Variants in VANGL1 observed in about 807,000 individuals in gnomAD.
VANGL1 encodes vang-like protein 1.
A neutral mutation model predicts 48.4 loss-of-function variants in VANGL1; 18 were observed. That is an observed-to-expected ratio of 0.37 (90% CI 0.26 to 0.55). The LOEUF (loss-of-function observed/expected upper bound fraction) is 0.55, where lower values mean the gene tolerates loss of function less well. Among genes scored for constraint, VANGL1 ranks in the 20% least tolerant of loss-of-function variants. The pLI, the probability that VANGL1 is intolerant of heterozygous loss-of-function variation, is 0.81. For synonymous variants in VANGL1, 257 were observed against 261.8 expected, an observed-to-expected ratio of 0.98 and a Z score of 0.18; for missense variants, 667 against 675.8, an observed-to-expected ratio of 0.99 and a Z score of 0.14.
chr1:115,672,593 G>T (rs951077643), intron 4 of VANGL1, among the ~76,000 whole-genome samples: 6 of 152,174 alleles, frequency 3.9e-5, no homozygotes, highest in Admixed American at 6.5e-5. Context: ...CCAGGCCTTT[G>T]TTGTGCAGTT....
rs572143876 is a variant in VANGL1 at position 115,654,600 on chromosome 1, T to G, written c.71+3116T>G. On this transcript the variant is annotated intron_variant, in intron 2 of 7. Coordinates refer to ENST00000355485, the MANE Select transcript of VANGL1 (RefSeq NM_138959.3). ...TTACCCACCAGCTGAAATGTGTGAT[T>G]CAATTCTTATGGCCAGAGGGTTTGT... Among the ~76,000 whole-genome samples the G allele has an allele frequency of 3.9e-5, 6 of 152,190 alleles. No homozygotes were observed. In the East Asian group the frequency reaches 1.2e-3, roughly 29 times the overall value.
At chr1:115,656,212 C>G (rs1652349692) in intron 2 of VANGL1, among the ~76,000 whole-genome samples, 1 of 152,192 alleles carries the variant, frequency 6.6e-6, no homozygotes, top group Admixed American at 6.5e-5. Flanking sequence ...CAACTTCATC[C>G]ACTTCATACT....
intron 2 of VANGL1, among the ~76,000 whole-genome samples, chr1:115,654,498 TA>T (rs869142756): frequency 2.3e-3 from 205 of 90,806 alleles, no homozygotes; most frequent in Admixed American, 4.3e-3. Flanking sequence ...TTGGTAGGGC[TA>T]AAAAAAAAAA....
intron 4 of VANGL1, among the ~76,000 whole-genome samples, chr1:115,681,618 C>T (rs776024235): frequency 1.3e-5 from 2 of 151,312 alleles, no homozygotes; most frequent in South Asian, 2.1e-4. Context: ...GTGATTCTCC[C>T]GTTTCAGCCT....
intron 4 of VANGL1, among the ~76,000 whole-genome samples, chr1:115,665,611 A>G (rs1652749313): frequency 6.6e-6 from 1 of 152,154 alleles, no homozygotes; most frequent in Non-Finnish European, 1.5e-5. Context: ...TGCTACGAGA[A>G]CGGGATGATC....
chr1:115,650,737 A>G (rs1467121378), intron 1 of VANGL1, among the ~76,000 whole-genome samples: 2 of 151,890 alleles, frequency 1.3e-5, no homozygotes, highest in Non-Finnish European at 2.9e-5. Flanking sequence ...GCATTTTATT[A>G]TTTATAGACA....
intron 3 of VANGL1, 52 bp downstream of exon 3, chr1:115,659,825 G>C (rs776815831): frequency 3.7e-6 from 6 of 1,612,280 alleles, no homozygotes; most frequent in Admixed American, 1.7e-5. Flanking sequence ...CAAGACTCCT[G>C]TCTGTAAATG....
At position 115,684,001 on chromosome 1, in the gene VANGL1, G is replaced by A. The variant is rs199526468; in HGVS notation, c.1004G>A (p.Arg335His). The change falls in exon 6 of 8, where the codon CGC becomes CAC. Residue 335 changes from arginine (R) to histidine (H), a missense_variant. Physicochemically the swap from Arg to His is conservative, Grantham distance 29 (BLOSUM62 0). Transcript: ENST00000355485. ...SRAMIAAAAR[R>H]RDSSHNELYY... The stretch of plus-strand genomic sequence containing the variant: ...GCCATGATTGCTGCAGCTGCTCGGC[G>A]CAGGGACTCAAGCCACAACGAGTTG... 88 of 1,613,946 alleles carry A rather than the reference G, an allele frequency of 5.5e-5. No individual in the cohort carries two copies. Among genetic ancestry groups the A allele is most frequent in the East Asian group, 6.7e-5 (3 of 44,894 alleles).
rs114722665 is a variant in VANGL1, at chr1:115,649,137, T to C, written c.-137-2140T>C. Among the ~76,000 whole-genome samples the C allele has an allele frequency of 5.4e-3, 822 of 152,182 alleles. 12 individuals carry two copies. Among genetic ancestry groups the C allele is most frequent in the African/African-American group, 0.018 (760 of 41,514 alleles). On this transcript the variant is annotated intron_variant, in intron 1 of 7. Coordinates refer to ENST00000355485, the MANE Select transcript of VANGL1 (RefSeq NM_138959.3). ...GTGAGACTGAGGTGTTGAAAGCTGA[T>C]TGAAATTGCTAGTGAAAATGGTGGA...
In VANGL1 at chr1:115,659,669, C is replaced by T. The variant is rs372052239; in HGVS notation, c.100C>T (p.Pro34Ser). The T allele has an allele frequency of 1.2e-6, 2 of 1,613,922 alleles. No homozygotes were observed. Among genetic ancestry groups the T allele is most frequent in the African/African-American group, 2.7e-5 (2 of 74,874 alleles). The change falls in exon 3 of 8, where the codon CCC becomes TCC. Residue 34 changes from proline (P) to serine (S), a missense_variant. Coordinates refer to ENST00000355485, the MANE Select transcript of VANGL1 (RefSeq NM_138959.3). The stretch of plus-strand genomic sequence containing the variant: ...AAGAACTAGAGAGAGACACAAGTCA[C>T]CCCGGAATAAAGACGGCAGAGGGTC... ...GERTRERHKS[P>S]RNKDGRGSEK... is the part of the protein sequence containing the mutation.
At position 115,697,240 on chromosome 1, in the gene VANGL1, C is replaced by T. The variant is rs889213656; in HGVS notation, c.*5861C>T. On this transcript the variant is annotated 3_prime_UTR_variant, in exon 8 of 8. Coordinates refer to ENST00000355485, the MANE Select transcript of VANGL1 (RefSeq NM_138959.3). The stretch of plus-strand genomic sequence containing the variant: ...AATTTAGACAGTTGCACATCATTGC[C>T]GTTCTAGGGGCCTTGTAGAAAGATG... 15 of 152,118 alleles carry T rather than the reference C, an allele frequency of 9.9e-5. No homozygotes were observed. The highest frequency in any genetic ancestry group is 3.9e-4 in the Admixed American group (6 of 15,276). The allele number at this position is 152,118 out of a possible 1,614,324, so 9.4% of individuals were successfully genotyped here. A position where few individuals can be genotyped will look rare whatever the true frequency, so the allele number is the denominator to read the frequency against.
chr1:115,653,232 T>C (rs1464169832), intron 2 of VANGL1, among the ~76,000 whole-genome samples: 1 of 152,148 alleles, frequency 6.6e-6, no homozygotes. Flanking sequence ...CAGGTAAGGC[T>C]TTCAAATAAG....
chr1:115,659,542 T>A (rs892175021), intron 2 of VANGL1, 99 bp from the exon 3 acceptor site: 15 of 1,438,428 alleles, frequency 1.0e-5, no homozygotes, highest in Non-Finnish European at 1.4e-5. Context: ...TGTGTGTGTA[T>A]GTAGAATTTC....
intron 4 of VANGL1, among the ~76,000 whole-genome samples, chr1:115,665,890 T>C (rs1652760782): frequency 6.6e-6 from 1 of 152,168 alleles, no homozygotes; most frequent in African/African-American, 2.4e-5. Flanking sequence ...TTCAGAGCTC[T>C]ATCTCAGCAC....
chr1:115,652,442 C>T lies in VANGL1; in HGVS notation c.71+958C>T, dbSNP rs183881917. Among the ~76,000 whole-genome samples, 5 of 152,330 alleles carry T rather than the reference C, an allele frequency of 3.3e-5. No homozygotes were observed. In the East Asian group the frequency reaches 5.8e-4, roughly 18 times the overall value. ...ATTGCAGTGCTGCTGTTTACTTAGC[C>T]TTGTCATCTGTAAAATGGGTACAGC... On this transcript the variant is annotated intron_variant, in intron 2 of 7. Coordinates refer to ENST00000355485, the MANE Select transcript of VANGL1 (RefSeq NM_138959.3).
rs1285671954 is a variant in VANGL1, at chr1:115,682,550, CTATT to C, written c.946+56_946+59del. ...TGCTCACAGGGGCACAGTTGGGTGACTATTTAAGATTCATGGTACGTTTGGTTCG... is the reference window on the plus strand; with the variant it reads ...TGCTCACAGGGGCACAGTTGGGTGACTAAGATTCATGGTACGTTTGGTTCG... On this transcript the variant is annotated intron_variant, in intron 5 of 7. Transcript: ENST00000355485. 77 of 1,613,580 alleles carry C rather than the reference CTATT, an allele frequency of 4.8e-5. 1 individual carries two copies. The highest frequency in any genetic ancestry group is 4.9e-5 in the Non-Finnish European group (58 of 1,179,834).
chr1:115,668,886 C>A (rs992584129), intron 4 of VANGL1, among the ~76,000 whole-genome samples: 3 of 152,160 alleles, frequency 2.0e-5, no homozygotes, highest in Non-Finnish European at 4.4e-5. Flanking sequence ...GGAACTGTCC[C>A]AGTAGTATTT....
chr1:115,687,987 T>TAGACAGAC lies in VANGL1; in HGVS notation c.1314+2465_1314+2466insGACAGACA, dbSNP rs1553190236. Among the ~76,000 whole-genome samples, 3 of 129,362 alleles carry TAGACAGAC rather than the reference T, an allele frequency of 2.3e-5. 1 individual carries two copies. The highest frequency in any genetic ancestry group is 8.9e-5 in the African/African-American group (3 of 33,770). The allele number at this position is 129,362 out of a possible 152,430, so 84.9% of individuals were successfully genotyped here. The stretch of plus-strand genomic sequence containing the variant: ...ATAGATAGATAGATAGATAGATAGA[T>TAGACAGAC]AGACACATAGATAGATACATAGATA... On this transcript the variant is annotated intron_variant, in intron 7 of 7. Coordinates refer to ENST00000355485, the MANE Select transcript of VANGL1 (RefSeq NM_138959.3).
At chr1:115,681,511 TG>T (rs200987583) in intron 4 of VANGL1, among the ~76,000 whole-genome samples, 2,473 of 120,298 alleles carry the variant, frequency 0.021, 124 homozygotes, top group African/African-American at 0.064. Flanking sequence ...TTGTTTTTTT[TG>T]TTTTTTTTTT....
Sources: allele counts gnomAD v4.1 joint callset (sites outside exome capture counted in the v4.1 genomes callset), GRCh38; gene constraint gnomAD v4.1.1; transcripts MANE v1.5; gene names NCBI Gene and HGNC (gene_info 2026-07-23, HGNC 2026-07-21).